The following CSMD1 variants were observed in gnomAD, a reference collection of about 807,000 sequenced individuals.
CSMD1 encodes the protein CUB and sushi domain-containing protein 1.
Under a neutral mutation model 417.5 loss-of-function variants are expected in CSMD1, and 213 were observed. That is an observed-to-expected ratio of 0.51 (90% CI 0.46 to 0.57). The LOEUF is 0.57. Ranked by LOEUF, CSMD1 falls within the 20% of genes least tolerant of loss-of-function variation. The probability of loss-of-function intolerance (pLI) is 0.00; values close to 1 mark genes in which losing one functional copy is unlikely to be tolerated. For missense variants in CSMD1, 6,923 were observed against 4,529.7 expected, an observed-to-expected ratio of 1.53 and a Z score of -15.17; for synonymous variants, 2,862 against 1,736.8, an observed-to-expected ratio of 1.65 and a Z score of -16.11.
intron 2 of CSMD1, among the ~76,000 whole-genome samples, chr8:4,479,745 T>A (rs1051188828): frequency 1.3e-5 from 2 of 151,758 alleles, no homozygotes; most frequent in African/African-American, 4.8e-5. Context: ...AATACAAAAA[T>A]TAGCTTCCTT....
At chr8:4,053,210 A>C (rs1237589338) in intron 3 of CSMD1, among the ~76,000 whole-genome samples, 4 of 152,212 alleles carry the variant, frequency 2.6e-5, no homozygotes, top group South Asian at 4.1e-4. Context: ...CGTTATTAAA[A>C]AGTCACTAAC....
At chr8:3,610,750 G>T (rs1563197820) in intron 8 of CSMD1, among the ~76,000 whole-genome samples, 1 of 151,828 alleles carries the variant, frequency 6.6e-6, no homozygotes, top group Non-Finnish European at 1.5e-5. Context: ...CAGTAGAATT[G>T]CATACTTAAT....
chr8:3,469,115 C>T (rs1816943188), intron 11 of CSMD1: 1 of 262,378 alleles, frequency 3.8e-6, no homozygotes, highest in East Asian at 9.0e-5. Flanking sequence ...GAGAGGCTTC[C>T]CCAGGTGCAG....
intron 5 of CSMD1, among the ~76,000 whole-genome samples, chr8:3,816,426 T>C (rs369750461): frequency 6.6e-6 from 1 of 152,192 alleles, no homozygotes; most frequent in Non-Finnish European, 1.5e-5. Flanking sequence ...CTTTTATTAT[T>C]GTATATAGTT....
intron 2 of CSMD1, among the ~76,000 whole-genome samples, chr8:4,545,321 G>T (rs775639487): frequency 9.2e-5 from 14 of 152,124 alleles, no homozygotes; most frequent in Non-Finnish European, 1.6e-4. Flanking sequence ...TCTAACACCA[G>T]AAAAGCCCTT....
intron 5 of CSMD1, among the ~76,000 whole-genome samples, chr8:3,769,049 T>C (rs1412685329): frequency 6.6e-6 from 1 of 152,194 alleles, no homozygotes; most frequent in Non-Finnish European, 1.5e-5. Context: ...GCAGGTGTGT[T>C]TGGTTAGAAA....
chr8:4,460,744 A>G (rs907138940), intron 2 of CSMD1, among the ~76,000 whole-genome samples: 1 of 152,160 alleles, frequency 6.6e-6, no homozygotes, highest in Non-Finnish European at 1.5e-5. Flanking sequence ...ACTTAAGTCA[A>G]ACAACATCAG....
At chr8:3,342,727 C>G (rs1026590208) in intron 23 of CSMD1, among the ~76,000 whole-genome samples, 2 of 152,120 alleles carry the variant, frequency 1.3e-5, no homozygotes, top group Non-Finnish European at 2.9e-5. Context: ...TCAATCCTGG[C>G]TCCACCAACT....
chr8:3,739,575 T>A (rs950556175), intron 6 of CSMD1, among the ~76,000 whole-genome samples: 21 of 152,202 alleles, frequency 1.4e-4, no homozygotes, highest in African/African-American at 4.8e-4. Flanking sequence ...AATCTGGGAA[T>A]GCTTAAGTTT....
At chr8:4,110,891 G>C (rs1324593912) in intron 3 of CSMD1, among the ~76,000 whole-genome samples, 1 of 151,908 alleles carries the variant, frequency 6.6e-6, no homozygotes, top group African/African-American at 2.4e-5. Flanking sequence ...ATTTTCTTAT[G>C]TCAAAAGACA....
intron 2 of CSMD1, among the ~76,000 whole-genome samples, chr8:4,422,308 C>G (rs395308): frequency 2.6e-5 from 4 of 152,058 alleles, no homozygotes; most frequent in African/African-American, 7.2e-5. Context: ...ACTACCCTTT[C>G]CCTTATGGGC....
chr8:3,453,211 C>T (rs1178437078), intron 12 of CSMD1, among the ~76,000 whole-genome samples: 1 of 152,000 alleles, frequency 6.6e-6, no homozygotes, highest in African/African-American at 2.4e-5. Context: ...CTCTTTTCTT[C>T]TTTATAGTCT....
chr8:4,889,600 A>C (rs1373665843), intron 1 of CSMD1, among the ~76,000 whole-genome samples: 2 of 152,266 alleles, frequency 1.3e-5, no homozygotes, highest in African/African-American at 4.8e-5. Context: ...AAAATAGAAA[A>C]AAAACCATAA....
At chr8:3,751,457 A>G (rs970130578) in intron 6 of CSMD1, among the ~76,000 whole-genome samples, 2 of 148,360 alleles carry the variant, frequency 1.3e-5, no homozygotes, top group Non-Finnish European at 3.0e-5. Flanking sequence ...AAATGTTTAT[A>G]CTTAAATATA....
At chr8:3,638,659 C>G (rs919173607) in intron 7 of CSMD1, among the ~76,000 whole-genome samples, 20 of 152,044 alleles carry the variant, frequency 1.3e-4, no homozygotes, top group African/African-American at 4.8e-4. Flanking sequence ...CAAGATGTAC[C>G]TAGAAAGAAC....
intron 10 of CSMD1, among the ~76,000 whole-genome samples, chr8:3,555,404 C>T (rs1262884869): frequency 6.6e-6 from 1 of 152,118 alleles, no homozygotes; most frequent in African/African-American, 2.4e-5. Context: ...TTAGCCAAAT[C>T]ATCCCACCTG....
At chr8:3,211,232 G>A (rs563119393) in intron 30 of CSMD1, among the ~76,000 whole-genome samples, 149 of 152,172 alleles carry the variant, frequency 9.8e-4, no homozygotes, top group Middle Eastern at 6.8e-3. Context: ...TTTTGTAGAG[G>A]TGGGGTCTTG....
At chr8:3,161,549 G>A (rs375212279) in intron 38 of CSMD1, among the ~76,000 whole-genome samples, 13 of 150,828 alleles carry the variant, frequency 8.6e-5, no homozygotes, top group South Asian at 2.1e-4. Flanking sequence ...TCTGGGAGGC[G>A]GAGCTTGCAG....
chr8:4,660,396 T>A (rs1247909622), intron 1 of CSMD1, among the ~76,000 whole-genome samples: 1 of 152,042 alleles, frequency 6.6e-6, no homozygotes, highest in Non-Finnish European at 1.5e-5. Context: ...AAGTAATGAT[T>A]AAGCAAGATA....
Sources: gnomAD v4.1 joint callset for allele counts (sites outside exome capture counted in the v4.1 genomes callset) on GRCh38, gnomAD v4.1.1 for gene constraint, MANE v1.5 for transcripts, NCBI Gene and HGNC (gene_info 2026-07-23, HGNC 2026-07-21) for gene names.